Variants in ITPR1 observed in about 807,000 individuals in gnomAD.
ITPR1 encodes inositol 1,4,5-trisphosphate-gated calcium channel ITPR1.
In ITPR1, 96 loss-of-function variants were observed where a neutral mutation model predicts 318.4. That is an observed-to-expected ratio of 0.30 (90% CI 0.26 to 0.36). The LOEUF (loss-of-function observed/expected upper bound fraction) is 0.36. ITPR1 is among the 10% of genes least tolerant of loss of function. ITPR1 has a pLI of 1.00. For missense variants in ITPR1, 2,440 were observed against 3,460.2 expected (o/e 0.71, Z 7.40); for synonymous variants, 1,312 against 1,289.9 (o/e 1.02, Z -0.37).
intron 46 of ITPR1, among the ~76,000 whole-genome samples, chr3:4,773,276 C>G (rs2046301255): frequency 6.6e-6 from 1 of 152,138 alleles, no homozygotes; most frequent in Non-Finnish European, 1.5e-5. Context: ...GAGGGCATTG[C>G]CTGGTGGGAG....
chr3:4,674,178 C>T (rs1336457225), intron 21 of ITPR1, 24 bp from the exon 22 acceptor site: 5 of 1,527,400 alleles, frequency 3.3e-6, no homozygotes, highest in Non-Finnish European at 4.4e-6. Flanking sequence ...AATTTTGTTT[C>T]CTTTCTTTCT....
intron 10 of ITPR1, among the ~76,000 whole-genome samples, chr3:4,649,180 A>G (rs1364662113): frequency 1.3e-5 from 2 of 152,256 alleles, no homozygotes; most frequent in East Asian, 1.9e-4. Flanking sequence ...AAACAAGGGA[A>G]GAAGTGAAGT....
chr3:4,836,735 CTTTT>C (rs201029025), intron 60 of ITPR1, 35 bp from the exon 61 acceptor site: 3,236 of 1,064,826 alleles, frequency 3.0e-3, no homozygotes, highest in East Asian at 6.3e-3. Context: ...GTGACTCAGT[CTTTT>C]TTTTTTTTTT....
chr3:4,699,927 A>G lies in ITPR1; in HGVS notation c.4522A>G (p.Ser1508Gly). ...TFFSSPFSDQ[S>G]TTLQTRQPVF... is the part of the protein sequence containing the mutation. ...CTTCAGCTCTCCCTTCTCAGACCAG[A>G]GTACGACTTTGCAGGTAAGAAATAA... The change falls in exon 35 of 62, where the codon AGT becomes GGT. Residue 1508 changes from serine (S) to glycine (G), a missense_variant. Ser to Gly is a moderately conservative substitution (Grantham distance 56, BLOSUM62 0). Around this residue, in one of 23 missense-constraint regions of ITPR1, gnomAD observed 166 missense variants for 246.5 expected, o/e 0.67. Transcript: ENST00000649015. 6.2e-7 allele frequency: 1 copy of G among 1,613,478 alleles called. No homozygotes were observed. The highest frequency in any genetic ancestry group is 1.7e-5 in the Admixed American group (1 of 60,030).
chr3:4,644,015 T>G, intron 7 of ITPR1, 121 bp from the exon 8 acceptor site: 1 of 675,198 alleles, frequency 1.5e-6, no homozygotes. Context: ...ATCTTTATAC[T>G]TGCTGGGGAT....
At chr3:4,764,335 AG>A (rs57880174) in intron 44 of ITPR1, among the ~76,000 whole-genome samples, 2 of 152,136 alleles carry the variant, frequency 1.3e-5, no homozygotes, top group African/African-American at 2.4e-5. Flanking sequence ...GACCATGGGG[AG>A]GGGGGCATCC....
intron 54 of ITPR1, among the ~76,000 whole-genome samples, chr3:4,802,966 C>T (rs2048333912): frequency 6.6e-6 from 1 of 152,126 alleles, no homozygotes; most frequent in South Asian, 2.1e-4. Context: ...TCTCACATTG[C>T]TATAAAATGC....
chr3:4,739,266 C>T (rs2043523348), intron 44 of ITPR1, among the ~76,000 whole-genome samples: 2 of 152,170 alleles, frequency 1.3e-5, no homozygotes, highest in African/African-American at 4.8e-5. Flanking sequence ...TGCTTTGCTC[C>T]ACTGAAGACA....
At chr3:4,557,535 A>C (rs535799910) in intron 4 of ITPR1, among the ~76,000 whole-genome samples, 2 of 152,254 alleles carry the variant, frequency 1.3e-5, no homozygotes, top group South Asian at 4.1e-4. Flanking sequence ...TGGCCATGAT[A>C]ATTCCCTTTT....
At chr3:4,586,106 T>C (rs1198365773) in intron 4 of ITPR1, among the ~76,000 whole-genome samples, 1 of 152,232 alleles carries the variant, frequency 6.6e-6, no homozygotes, top group African/African-American at 2.4e-5. Flanking sequence ...AACTCATCTT[T>C]TTATGGCTGC....
Position 4,652,037 on chromosome 3 carries a change from C to T in ITPR1, c.856-86C>T, listed in dbSNP as rs2093609022. 4 of 1,039,088 alleles carry T rather than the reference C, an allele frequency of 3.8e-6. No homozygotes were observed. In the East Asian group the frequency reaches 1.0e-4, roughly 27 times the overall value. The allele number at this position is 1,039,088 out of a possible 1,614,324, so 64.4% of individuals were successfully genotyped here. A position where few individuals can be genotyped will look rare whatever the true frequency, so the allele number is the denominator to read the frequency against. ...TTTTTCTAGCTTATAAACATCCCTC[C>T]TGAACTATGACTTGTGATACCTCCG... On this transcript the variant is annotated intron_variant, in intron 10 of 61. Transcript: ENST00000649015.
At chr3:4,773,512 G>A (rs537898793) in intron 46 of ITPR1, among the ~76,000 whole-genome samples, 3 of 152,122 alleles carry the variant, frequency 2.0e-5, no homozygotes, top group East Asian at 3.9e-4. Context: ...CTATATATTC[G>A]AATGGGAACA....
chr3:4,827,336 T>G (rs2050146999), intron 60 of ITPR1, among the ~76,000 whole-genome samples: 1 of 152,230 alleles, frequency 6.6e-6, no homozygotes, highest in Admixed American at 6.5e-5. Flanking sequence ...GACTATAGTA[T>G]ATGATACTGA....
Position 4,676,763 on chromosome 3 carries a change from G to A in ITPR1, c.2929G>A (p.Val977Ile), listed in dbSNP as rs370220353. ...QAEPEKEDIM[V>I]MDTKLKIIEI... ...AGAGCCTGAGAAGGAGGACATCATG[G>A]TCATGGACACCAAGCTGAAGATCAT... The change falls in exon 24 of 62, where the codon GTC becomes ATC. Residue 977 changes from valine (V) to isoleucine (I), a missense_variant. Physicochemically the swap from Val to Ile is conservative, Grantham distance 29 (BLOSUM62 3). This residue lies in a region of ITPR1 where 478 missense variants were observed against 696.3 expected (regional missense o/e 0.69). Transcript: ENST00000649015. The A allele has an allele frequency of 7.3e-5, 117 of 1,613,614 alleles. No individual in the cohort carries two copies. The highest frequency in any genetic ancestry group is 9.7e-5 in the Non-Finnish European group (115 of 1,179,824).
chr3:4,845,216 G>T (rs752659534), intron 61 of ITPR1, among the ~76,000 whole-genome samples: 1 of 152,196 alleles, frequency 6.6e-6, no homozygotes, highest in South Asian at 2.1e-4. Context: ...AAACATAGGA[G>T]TAGGACCTTA....
At chr3:4,804,560 G>A (rs2048441066) in intron 54 of ITPR1, among the ~76,000 whole-genome samples, 1 of 152,160 alleles carries the variant, frequency 6.6e-6, no homozygotes, top group Non-Finnish European at 1.5e-5. Flanking sequence ...AGTTAGAGGG[G>A]AGAATGGACT....
chr3:4,613,970 C>T (rs1388909913), intron 4 of ITPR1, among the ~76,000 whole-genome samples: 2 of 152,180 alleles, frequency 1.3e-5, no homozygotes, highest in East Asian at 1.9e-4. Context: ...ACCTCCACCT[C>T]TACCCCTGAC....
chr3:4,499,043 A>G (rs304068), intron 2 of ITPR1, among the ~76,000 whole-genome samples: 12,907 of 152,256 alleles, frequency 0.085, 614 homozygotes, highest in Non-Finnish European at 0.11. Flanking sequence ...GGACTCGGCT[A>G]CTCAGGGGAC....
At chr3:4,772,417 C>A (rs1224345858) in intron 46 of ITPR1, among the ~76,000 whole-genome samples, 1 of 152,232 alleles carries the variant, frequency 6.6e-6, no homozygotes, top group Non-Finnish European at 1.5e-5. Flanking sequence ...ATAAAGTCAC[C>A]AAGTCTCACT....
Sources: allele counts gnomAD v4.1 joint callset (sites outside exome capture counted in the v4.1 genomes callset), GRCh38; gene constraint gnomAD v4.1.1; regional missense constraint gnomAD v4.1.1; transcripts MANE v1.5; gene names NCBI Gene and HGNC (gene_info 2026-07-23, HGNC 2026-07-21).